The following BRINP1 variants were observed in gnomAD, a reference collection of about 807,000 sequenced individuals.
The protein encoded by BRINP1 is BMP/retinoic acid inducible neural specific 1.
A neutral mutation model predicts 72.9 loss-of-function variants in BRINP1; 17 were observed. The observed-to-expected ratio is 0.23, with a 90% CI of 0.16 to 0.35. The LOEUF is 0.35. Ranked by LOEUF, BRINP1 falls within the 10% of genes least tolerant of loss-of-function variation. BRINP1 has a pLI of 1.00. For synonymous variants in BRINP1, 418 were observed against 378.5 expected (o/e 1.10, Z -1.21); for missense variants, 850 against 1,001.6 (o/e 0.85, Z 2.04).
At chr9:119,313,095 A>G (rs760984624) in intron 2 of BRINP1, 43 bp downstream of exon 2, 1 of 1,591,806 alleles carries the variant, frequency 6.3e-7, no homozygotes, top group South Asian at 1.1e-5. Flanking sequence ...TCCACAAAGC[A>G]TAATATGAAT....
intron 7 of BRINP1, among the ~76,000 whole-genome samples, chr9:119,172,292 A>C (rs1050104391): frequency 5.3e-5 from 8 of 152,104 alleles, no homozygotes; most frequent in African/African-American, 1.7e-4. Context: ...AAAATGATAA[A>C]GGGGATATCA....
chr9:119,278,544 G>A (rs1651947074), intron 2 of BRINP1, among the ~76,000 whole-genome samples: 1 of 152,220 alleles, frequency 6.6e-6, no homozygotes, highest in Non-Finnish European at 1.5e-5. Flanking sequence ...GGGATGCCCT[G>A]TAAGAAGTGA....
intron 7 of BRINP1, among the ~76,000 whole-genome samples, chr9:119,171,530 A>C (rs1455303905): frequency 6.6e-6 from 1 of 150,810 alleles, no homozygotes; most frequent in Non-Finnish European, 1.5e-5. Flanking sequence ...CCCATTAATA[A>C]TGGGAGACTT....
intron 1 of BRINP1, among the ~76,000 whole-genome samples, chr9:119,366,707 T>C (rs1587975494): frequency 6.6e-6 from 1 of 151,796 alleles, no homozygotes; most frequent in Non-Finnish European, 1.5e-5. Context: ...TGGTGGCAGG[T>C]TGGCAAGATA....
intron 2 of BRINP1, among the ~76,000 whole-genome samples, chr9:119,299,608 G>A (rs1330091143): frequency 2.9e-5 from 4 of 139,886 alleles, no homozygotes; most frequent in East Asian, 2.1e-4. Flanking sequence ...GCGAGACTCC[G>A]TCTCAAAAAA....
intron 1 of BRINP1, among the ~76,000 whole-genome samples, chr9:119,336,035 G>A (rs941712198): frequency 6.6e-6 from 1 of 152,172 alleles, no homozygotes; most frequent in African/African-American, 2.4e-5. Flanking sequence ...ACATGTATGG[G>A]TAAAAGTCTC....
chr9:119,279,945 T>C (rs1037392813), intron 2 of BRINP1, among the ~76,000 whole-genome samples: 2 of 152,130 alleles, frequency 1.3e-5, no homozygotes, highest in African/African-American at 4.8e-5. Flanking sequence ...AATAACCTCC[T>C]GGGAATCTAT....
At chr9:119,314,825 T>C (rs1463677529) in intron 1 of BRINP1, among the ~76,000 whole-genome samples, 1 of 152,170 alleles carries the variant, frequency 6.6e-6, no homozygotes, top group Non-Finnish European at 1.5e-5. Flanking sequence ...AGAACCAAGA[T>C]GACAATTAAA....
At chr9:119,272,326 A>T (rs1377302804) in intron 2 of BRINP1, among the ~76,000 whole-genome samples, 1 of 151,880 alleles carries the variant, frequency 6.6e-6, no homozygotes, top group African/African-American at 2.4e-5. Flanking sequence ...CAGATGATCC[A>T]CCTGCCTCGG....
At chr9:119,295,185 G>A (rs1830862420) in intron 2 of BRINP1, among the ~76,000 whole-genome samples, 2 of 150,962 alleles carry the variant, frequency 1.3e-5, no homozygotes, top group African/African-American at 4.9e-5. Context: ...TTTATTTTTT[G>A]AGACTGGGTT....
chr9:119,168,130 C>G lies in BRINP1; in HGVS notation c.1240G>C (p.Val414Leu). ...GTFLESQRSCVCHGSTTLCQR... is the reference protein window; with the variant it reads ...GTFLESQRSCLCHGSTTLCQR... The stretch of plus-strand genomic sequence containing the variant: ...CACAGCGTGGTGCTGCCGTGGCACA[C>G]GCAGCTCCGCTGGCTCTCCAGGAAG... Residue 414 changes from valine (V) to leucine (L), a missense_variant, in exon 8 of 8, where the codon GTG becomes CTG. Transcript: ENST00000265922. 1 of 1,604,016 alleles carries G rather than the reference C, an allele frequency of 6.2e-7. No individual in the cohort carries two copies. Among genetic ancestry groups the G allele is most frequent in the Non-Finnish European group, 8.5e-7 (1 of 1,173,672 alleles).
At position 119,280,278 on chromosome 9, in the gene BRINP1, G is replaced by A. The variant is rs138929985; in HGVS notation, c.219-31128C>T. On this transcript the variant is annotated intron_variant, in intron 2 of 7. Transcript: ENST00000265922. Reference sequence around the variant, plus strand: ...TTTTAAGTTGGAGTCTCGCTCTATCGCCCAGGCTGGAGTGCAGTGGTGCGA... The same window carrying A: ...TTTTAAGTTGGAGTCTCGCTCTATCACCCAGGCTGGAGTGCAGTGGTGCGA... Among the ~76,000 whole-genome samples, 45 of 151,112 alleles carry A rather than the reference G, an allele frequency of 3.0e-4. 1 individual carries two copies. Among genetic ancestry groups the A allele is most frequent in the African/African-American group, 9.0e-4 (37 of 41,130 alleles).
chr9:119,245,021 T>C (rs1830299600), intron 3 of BRINP1, among the ~76,000 whole-genome samples: 2 of 152,210 alleles, frequency 1.3e-5, no homozygotes, highest in Admixed American at 1.3e-4. Flanking sequence ...TAACTCTTCC[T>C]TTCCTTCTGA....
At chr9:119,239,296 C>A (rs1830223500) in intron 4 of BRINP1, among the ~76,000 whole-genome samples, 2 of 152,114 alleles carry the variant, frequency 1.3e-5, no homozygotes, top group Admixed American at 1.3e-4. Flanking sequence ...TACATATACA[C>A]TATTATTAGG....
chr9:119,362,840 A>G (rs1389008294), intron 1 of BRINP1, among the ~76,000 whole-genome samples: 1 of 152,194 alleles, frequency 6.6e-6, no homozygotes, highest in Admixed American at 6.5e-5. Context: ...AAACCCATCA[A>G]AAGTACTTGA....
chr9:119,203,952 A>C (rs986272850), intron 7 of BRINP1, among the ~76,000 whole-genome samples: 1 of 152,154 alleles, frequency 6.6e-6, no homozygotes, highest in African/African-American at 2.4e-5. Flanking sequence ...GCTTTTGGCC[A>C]ACAGAATGTG....
intron 7 of BRINP1, among the ~76,000 whole-genome samples, chr9:119,168,723 CAAATT>C (rs1303116407): frequency 8.3e-6 from 1 of 120,818 alleles, no homozygotes; most frequent in Admixed American, 9.3e-5. Flanking sequence ...TCAACAAAAA[CAAATT>C]ATATTTTATC....
intron 5 of BRINP1, among the ~76,000 whole-genome samples, chr9:119,226,844 C>G (rs1297738504): frequency 1.3e-5 from 2 of 151,872 alleles, no homozygotes; most frequent in Admixed American, 6.6e-5. Flanking sequence ...TATATAAATT[C>G]CTGATCTAGT....
chr9:119,366,184 T>C (rs1831689153), intron 1 of BRINP1, among the ~76,000 whole-genome samples: 1 of 152,114 alleles, frequency 6.6e-6, no homozygotes, highest in Non-Finnish European at 1.5e-5. Flanking sequence ...CACATGTGTG[T>C]ATAAGCACAC....
Sources: allele counts gnomAD v4.1 joint callset (sites outside exome capture counted in the v4.1 genomes callset), GRCh38; gene constraint gnomAD v4.1.1; transcripts MANE v1.5; gene names NCBI Gene and HGNC (gene_info 2026-07-23, HGNC 2026-07-21).